The following ADCK5 variants were observed in gnomAD, a reference collection of about 807,000 sequenced individuals.
The protein encoded by ADCK5 is aarF domain containing kinase 5, also known as uncharacterized aarF domain-containing protein kinase 5.
In ADCK5, 43 loss-of-function variants were observed where a neutral mutation model predicts 64.9. The ratio of observed to expected loss-of-function variants is 0.66; its 90% confidence interval spans 0.52 to 0.85. ADCK5 has a LOEUF of 0.85. ADCK5 is among the 40% of genes least tolerant of loss of function. The pLI, the probability that ADCK5 is intolerant of heterozygous loss-of-function variation, is 0.00. For synonymous variants in ADCK5, 434 were observed against 342.8 expected (o/e 1.27, Z -2.94); for missense variants, 760 against 810.5 (o/e 0.94, Z 0.76).
chr8:144,389,909 A>T (rs1356514036), intron 3 of ADCK5, among the ~76,000 whole-genome samples: 1 of 147,502 alleles, frequency 6.8e-6, no homozygotes, highest in African/African-American at 2.5e-5. Context: ...GCTCACTGCA[A>T]CCTCTGCCTC....
intron 2 of ADCK5, among the ~76,000 whole-genome samples, chr8:144,382,511 GTATT>G (rs1819722327): frequency 6.7e-6 from 1 of 149,776 alleles, no homozygotes; most frequent in African/African-American, 2.6e-5. Flanking sequence ...GGCTCCTGCT[GTATT>G]CAGCAAGTAT....
intron 12 of ADCK5, 30 bp from the exon 13 acceptor site, chr8:144,392,412 GCCC>G: frequency 6.8e-7 from 1 of 1,475,034 alleles, no homozygotes; most frequent in South Asian, 1.3e-5. Flanking sequence ...CCCACTCAGA[GCCC>G]CCTCCCTCCC....
upstream of ADCK5, chr8:144,373,767 C>T (rs1342984436): frequency 3.1e-6 from 1 of 324,640 alleles, no homozygotes; most frequent in African/African-American, 2.1e-5. Flanking sequence ...CCTCAGCCCT[C>T]CCCGGATTAT....
In ADCK5 at chr8:144,377,135, C is replaced by T. The variant is rs1162715756; in HGVS notation, c.13-2252C>T. Reference sequence around the variant, plus strand: ...TATGCACAGTCCTTTCCACCCAAACCGTGACTTGTGTGAAGAGCTCTCAGT... The same window carrying T: ...TATGCACAGTCCTTTCCACCCAAACTGTGACTTGTGTGAAGAGCTCTCAGT... On this transcript the variant is annotated intron_variant, in intron 1 of 14. Transcript: ENST00000308860. Among the ~76,000 whole-genome samples the T allele has an allele frequency of 2.6e-5, 4 of 152,250 alleles. No individual in the cohort carries two copies. The East Asian group carries it at 7.7e-4, about 29-fold the overall frequency.
chr8:144,392,886 C>T lies in ADCK5; in HGVS notation c.1631C>T (p.Ala544Val), dbSNP rs199670913. Residue 544 changes from alanine (A) to valine (V), a missense_variant, in exon 14 of 15, where the codon GCG becomes GTG. This residue lies in a region of ADCK5 where 333 missense variants were observed against 292.0 expected (regional missense o/e 1.14). Coordinates refer to ENST00000308860, the MANE Select transcript of ADCK5 (RefSeq NM_174922.5). ...TGGGAGATGCTCAAGTTTGAAGTGG[C>T]GCTCAGGTGAGTGGCCGCGGGGCAG... ...VVWEMLKFEV[A>V]LRLETLAMRL... The T allele has an allele frequency of 4.4e-6, 7 of 1,601,090 alleles. No individual in the cohort carries two copies. Among genetic ancestry groups the T allele is most frequent in the East Asian group, 4.5e-5 (2 of 44,548 alleles).
chr8:144,382,658 G>A (rs1185184410), intron 2 of ADCK5, among the ~76,000 whole-genome samples: 7 of 152,346 alleles, frequency 4.6e-5, no homozygotes, highest in South Asian at 2.1e-4. Flanking sequence ...CGTGCCGACC[G>A]CAGCATCTTC....
At chr8:144,389,346 A>T (rs1554859906) in intron 3 of ADCK5, 1 of 455,674 alleles carries the variant, frequency 2.2e-6, no homozygotes, top group African/African-American at 2.0e-5. Context: ...GGTGACCTTG[A>T]CCCTCCTGTG....
rs782713169 is a variant in ADCK5, at chr8:144,391,430, G to A, written c.754G>A (p.Val252Ile). 9 of 1,612,432 alleles carry A rather than the reference G, an allele frequency of 5.6e-6. No individual in the cohort carries two copies. The highest frequency in any genetic ancestry group is 5.9e-6 in the Non-Finnish European group (7 of 1,179,894). Residue 252 changes from valine to isoleucine, a missense_variant, in exon 7 of 15, where the codon GTT (valine) becomes ATT (isoleucine). Val to Ile is a conservative substitution (Grantham distance 29). Coordinates refer to ENST00000308860, the MANE Select transcript of ADCK5 (RefSeq NM_174922.5). ...CACCCTGGAGCTCCTGCTGCGGCTC[G>A]TTGAGGTCATGCACCCCAGCTTTGG... ...IHTLELLLRL[V>I]EVMHPSFGFS...
At chr8:144,392,381 AG>A in intron 12 of ADCK5, 36 bp downstream of exon 12, 1 of 1,476,196 alleles carries the variant, frequency 6.8e-7, no homozygotes, top group Non-Finnish European at 9.0e-7. Context: ...GCACCACAGA[AG>A]GGAGTCGGGC....
intron 3 of ADCK5, among the ~76,000 whole-genome samples, chr8:144,390,214 C>T (rs1554860096): frequency 6.6e-6 from 1 of 152,184 alleles, no homozygotes; most frequent in Non-Finnish European, 1.5e-5. Flanking sequence ...GCAGTCTCCA[C>T]CTCCTAGGCT....
chr8:144,390,626 C>A, intron 3 of ADCK5, 45 bp from the exon 4 acceptor site: 1 of 1,596,918 alleles, frequency 6.3e-7, no homozygotes, highest in South Asian at 1.1e-5. Flanking sequence ...AGCACCGGGG[C>A]CCCGAGCCTG....
rs1820400403 is a variant in ADCK5 at position 144,393,005 on chromosome 8, G to A, written c.1674G>A (p.Leu558=). ...TGGCCATGCGGCTGACCGCCCTCCT[G>A]GCTCGTGCTCTGGTCCACCTGAGCC... ...ETLAMRLTAL[L]ARALVHLSLV... The change falls in exon 15 of 15, where the codon CTG becomes CTA. Residue 558 remains leucine (L), a synonymous_variant. Coordinates refer to ENST00000308860, the MANE Select transcript of ADCK5 (RefSeq NM_174922.5). 2.5e-5 allele frequency: 40 copies of A among 1,590,066 alleles called. No homozygotes were observed. Among genetic ancestry groups the A allele is most frequent in the Non-Finnish European group, 3.2e-5 (37 of 1,171,688 alleles).
intron 3 of ADCK5, 127 bp downstream of exon 3, chr8:144,383,357 G>C: frequency 7.4e-7 from 1 of 1,348,344 alleles, no homozygotes; most frequent in Non-Finnish European, 9.8e-7. Context: ...AGAGCTTGCT[G>C]AGGATTTTAC....
chr8:144,381,198 A>C (rs1240430495), intron 2 of ADCK5, among the ~76,000 whole-genome samples: 1 of 147,002 alleles, frequency 6.8e-6, no homozygotes, highest in East Asian at 2.1e-4. Flanking sequence ...TGCACTCAGG[A>C]TTATGGGCCG....
At chr8:144,373,819 C>T, upstream of ADCK5, 1 of 363,212 alleles carries the variant, frequency 2.8e-6, no homozygotes. Context: ...GGTGCCTGCC[C>T]GGGGAATGCG....
At chr8:144,382,158 G>A (rs113502095) in intron 2 of ADCK5, among the ~76,000 whole-genome samples, 1 of 141,740 alleles carries the variant, frequency 7.1e-6, no homozygotes. Flanking sequence ...TCAGGCACCT[G>A]CTGCACTAAG....
At chr8:144,378,935 C>CT (rs138817440) in intron 1 of ADCK5, among the ~76,000 whole-genome samples, 2,145 of 142,902 alleles carry the variant, frequency 0.015, 24 homozygotes, top group African/African-American at 0.023. Flanking sequence ...TTGGGTAGTT[C>CT]TTTTTTTTTT....
chr8:144,391,027 G>T lies in ADCK5; in HGVS notation c.514G>T (p.Asp172Tyr). The T allele has an allele frequency of 6.2e-7, 1 of 1,612,832 alleles. No homozygotes were observed. The highest frequency in any genetic ancestry group is 8.5e-7 in the Non-Finnish European group (1 of 1,180,004). ...TACCCGGACCCTGCGCGTGCTAGAG[G>T]ACAGGGCCCTCAAGCGGGGCTTCCA... The part of the protein sequence containing the change: ...EYTRTLRVLE[D>Y]RALKRGFQEV... Residue 172 changes from aspartate to tyrosine, a missense_variant, in exon 5 of 15, where the codon GAC becomes TAC. Coordinates refer to ENST00000308860, the MANE Select transcript of ADCK5 (RefSeq NM_174922.5).
At chr8:144,383,320 C>T (rs528485414) in intron 3 of ADCK5, 90 bp downstream of exon 3, 178 of 1,433,588 alleles carry the variant, frequency 1.2e-4, no homozygotes, top group Non-Finnish European at 1.5e-4. Flanking sequence ...CCTTCACAGA[C>T]GAGGGGCGTG....
Sources: gnomAD v4.1 joint callset for allele counts (sites outside exome capture counted in the v4.1 genomes callset) on GRCh38, gnomAD v4.1.1 for gene constraint, gnomAD v4.1.1 regional missense constraint, MANE v1.5 for transcripts, NCBI Gene and HGNC (gene_info 2026-07-23, HGNC 2026-07-21) for gene names.